Variants in FAM227B observed in about 807,000 individuals in gnomAD.
FAM227B encodes protein FAM227B.
In FAM227B, 88 loss-of-function variants were observed where a neutral mutation model predicts 73.8. That is an observed-to-expected ratio of 1.19 (90% CI 1.00 to 1.42). The LOEUF (loss-of-function observed/expected upper bound fraction) is 1.42. FAM227B is among the 40% of genes most tolerant of loss of function. The pLI is 0.00. For synonymous variants in FAM227B, 210 were observed against 190.5 expected (o/e 1.10, Z -0.84); for missense variants, 632 against 590.9 (o/e 1.07, Z -0.72).
At chr15:49,350,568 G>T (rs977087460) in intron 13 of FAM227B, among the ~76,000 whole-genome samples, 2 of 152,108 alleles carry the variant, frequency 1.3e-5, no homozygotes, top group Non-Finnish European at 2.9e-5. Flanking sequence ...TGTCTTTTAT[G>T]GGCTAGTTCC....
At chr15:49,444,225 T>C (rs371744190) in intron 11 of FAM227B, among the ~76,000 whole-genome samples, 18 of 151,734 alleles carry the variant, frequency 1.2e-4, no homozygotes, top group African/African-American at 4.3e-4. Context: ...GGATTTATGA[T>C]TGCTCTCAAG....
At chr15:49,416,214 G>A (rs1377081861) in intron 11 of FAM227B, among the ~76,000 whole-genome samples, 1 of 142,186 alleles carries the variant, frequency 7.0e-6, no homozygotes, top group Admixed American at 7.6e-5. Context: ...TGTTAGGGCA[G>A]AGGTCACTTC....
At chr15:49,349,432 AAT>A (rs2041949664) in intron 13 of FAM227B, among the ~76,000 whole-genome samples, 1 of 152,214 alleles carries the variant, frequency 6.6e-6, no homozygotes, top group Admixed American at 6.5e-5. Context: ...AATAAAATAA[AAT>A]GTCTTTCTCT....
chr15:49,561,091 A>T (rs1598248136), intron 9 of FAM227B, among the ~76,000 whole-genome samples: 1 of 152,308 alleles, frequency 6.6e-6, no homozygotes, highest in East Asian at 1.9e-4. Context: ...TGGCAAGTTG[A>T]CTTGAAAGAC....
chr15:49,347,975 C>A (rs952210582), intron 13 of FAM227B, among the ~76,000 whole-genome samples: 6 of 138,636 alleles, frequency 4.3e-5, no homozygotes, highest in African/African-American at 1.6e-4. Flanking sequence ...GCTGAGATTG[C>A]ACCATTGCAC....
intron 5 of FAM227B, among the ~76,000 whole-genome samples, chr15:49,579,826 GCTATTCTAAA>G (rs1327586731): frequency 3.8e-4 from 58 of 152,190 alleles, no homozygotes; most frequent in African/African-American, 1.3e-3. Flanking sequence ...AAAAATGATA[GCTATTCTAAA>G]TAACCTGATT....
chr15:49,577,539 T>G, intron 6 of FAM227B, 90 bp downstream of exon 6: 1 of 756,964 alleles, frequency 1.3e-6, no homozygotes, highest in South Asian at 2.2e-5. Context: ...CTCTCTATAT[T>G]TAGAGCCTTG....
At chr15:49,581,857 A>G (rs906962636) in intron 5 of FAM227B, among the ~76,000 whole-genome samples, 11 of 152,178 alleles carry the variant, frequency 7.2e-5, no homozygotes, top group African/African-American at 2.7e-4. Flanking sequence ...ACTAAAAAGT[A>G]CCCACACAAT....
At position 49,529,247 on chromosome 15, in the gene FAM227B, C is replaced by A. The variant is rs374520618; in HGVS notation, c.874+12433G>T. On this transcript the variant is annotated intron_variant, in intron 10 of 15. Transcript: ENST00000299338. ...AGCTGAAAACCAAATACCATATATTCTCATAAGTGGGAACTAAACAATGGG... is the reference window on the plus strand; with the variant it reads ...AGCTGAAAACCAAATACCATATATTATCATAAGTGGGAACTAAACAATGGG... 2.9e-3 allele frequency among the ~76,000 whole-genome samples: 437 copies of A among 151,536 alleles called. 6 individuals carry two copies. The highest frequency in any genetic ancestry group is 0.027 in the South Asian group (128 of 4,818).
chr15:49,509,605 C>A (rs2058835919), intron 10 of FAM227B, among the ~76,000 whole-genome samples: 4 of 106,672 alleles, frequency 3.7e-5, no homozygotes, highest in African/African-American at 1.5e-4. Context: ...TTTTTTTTTG[C>A]AAATTAGCCA....
rs533473762 is a variant in FAM227B, at chr15:49,377,644, T to C, written c.1013-6245A>G. 1.1e-4 allele frequency among the ~76,000 whole-genome samples: 16 copies of C among 152,290 alleles called. No homozygotes were observed. In the South Asian group the frequency reaches 3.1e-3, roughly 30 times the overall value. ...CACTTTTTCATATGCCTGTTTGCCA[T>C]TTGTACGTCTTCTTTTGAGAAATGT... is the stretch of plus-strand genomic sequence containing the variant. On this transcript the variant is annotated intron_variant, in intron 11 of 15. Coordinates refer to ENST00000299338, the MANE Select transcript of FAM227B (RefSeq NM_152647.3).
intron 11 of FAM227B, among the ~76,000 whole-genome samples, chr15:49,434,088 C>T (rs980566351): frequency 1.3e-5 from 2 of 151,356 alleles, no homozygotes; most frequent in African/African-American, 4.8e-5. Context: ...ACTCTCAATT[C>T]GTTTTAGTGC....
intron 6 of FAM227B, 136 bp from the exon 7 acceptor site, chr15:49,576,981 T>C: frequency 3.4e-6 from 2 of 585,576 alleles, no homozygotes; most frequent in South Asian, 2.3e-5. Context: ...CTAAATTAAC[T>C]AAAAATTATA....
At chr15:49,462,227 GC>G (rs1249753895) in intron 11 of FAM227B, among the ~76,000 whole-genome samples, 39 of 152,160 alleles carry the variant, frequency 2.6e-4, no homozygotes, top group Admixed American at 2.2e-3. Flanking sequence ...ATTGATTATT[GC>G]TTTTTTGTAC....
chr15:49,584,214 C>T (rs944576316), intron 5 of FAM227B, among the ~76,000 whole-genome samples: 2 of 152,056 alleles, frequency 1.3e-5, no homozygotes, highest in African/African-American at 4.8e-5. Context: ...TCAATATATG[C>T]AAATCAATAA....
chr15:49,485,682 A>G (rs887442124), intron 11 of FAM227B: 3 of 152,516 alleles, frequency 2.0e-5, no homozygotes, highest in African/African-American at 7.2e-5. Context: ...ACAGAACAAT[A>G]CAAATATGTA....
chr15:49,596,798 C>T (rs1309948230), intron 3 of FAM227B, among the ~76,000 whole-genome samples: 1 of 151,840 alleles, frequency 6.6e-6, no homozygotes, highest in Non-Finnish European at 1.5e-5. Context: ...TGCAAATTCA[C>T]ACCAAAAGTG....
intron 10 of FAM227B, among the ~76,000 whole-genome samples, chr15:49,533,777 C>T (rs902096042): frequency 6.6e-6 from 1 of 151,766 alleles, no homozygotes; most frequent in African/African-American, 2.4e-5. Context: ...TGAAATAAGT[C>T]TCTTGTAGGC....
intron 11 of FAM227B, among the ~76,000 whole-genome samples, chr15:49,379,797 C>G (rs1679862452): frequency 6.6e-6 from 1 of 152,160 alleles, no homozygotes; most frequent in South Asian, 2.1e-4. Context: ...GACACATGTA[C>G]CACTGTGGCC....
Sources: allele counts gnomAD v4.1 joint callset (sites outside exome capture counted in the v4.1 genomes callset), GRCh38; gene constraint gnomAD v4.1.1; transcripts MANE v1.5; gene names NCBI Gene and HGNC (gene_info 2026-07-23, HGNC 2026-07-21).